Variants in ZFHX3 observed in about 807,000 individuals in gnomAD.
ZFHX3 encodes zinc finger homeobox protein 3.
ZFHX3 carries 42 observed loss-of-function variants against 279.1 expected under a neutral mutation model. The observed-to-expected ratio is 0.15, with a 90% CI of 0.12 to 0.19. The LOEUF is 0.19. ZFHX3 is among the 10% of genes least tolerant of loss of function. ZFHX3 has a pLI of 1.00. For missense variants in ZFHX3, 4,981 were observed against 4,754.0 expected (o/e 1.05, Z -1.40); for synonymous variants, 2,293 against 1,957.8 (o/e 1.17, Z -4.52).
In ZFHX3 at chr16:73,258,393, A is replaced by G. The variant is rs369200678; in HGVS notation, c.-1193-1257T>C. Among the ~76,000 whole-genome samples, 245 of 151,594 alleles carry G rather than the reference A, an allele frequency of 1.6e-3. 5 individuals are homozygous for G. In the South Asian group the frequency reaches 0.027, roughly 17 times the overall value. ...GAGACAGGGTCTCGCTCTGTCTCCCAGGTTGGAGTGCAGTGGTGCAATCTC... is the reference window on the plus strand; with the variant it reads ...GAGACAGGGTCTCGCTCTGTCTCCCGGGTTGGAGTGCAGTGGTGCAATCTC... On this transcript the variant is annotated intron_variant, in intron 4 of 17. Coordinates refer to the ZFHX3 transcript ENST00000641206.
chr16:73,871,153 C>A (rs535352578), intron 1 of ZFHX3, among the ~76,000 whole-genome samples: 1 of 152,134 alleles, frequency 6.6e-6, no homozygotes. Flanking sequence ...CTTAGGGGGT[C>A]AAGGTTGGCA....
chr16:72,797,788 C>T lies in ZFHX3; in HGVS notation c.4894G>A (p.Ala1632Thr), dbSNP rs767109358. The change falls in exon 9 of 10, where the codon GCA becomes ACA. Residue 1632 changes from alanine to threonine, a missense_variant. Coordinates refer to ENST00000268489, the MANE Select transcript of ZFHX3 (RefSeq NM_006885.4). ...TKARAAKLEA[A>T]SGSSNGTGNS... The stretch of plus-strand genomic sequence containing the variant: ...CCAGTCCCATTGCTGCTGCCACTTG[C>T]AGCCTCCAGCTTGGCTGCCCGGGCC... The T allele has an allele frequency of 9.3e-6, 15 of 1,614,018 alleles. No homozygotes were observed. The East Asian group carries it at 3.1e-4, about 34-fold the overall frequency.
intron 5 of ZFHX3, among the ~76,000 whole-genome samples, chr16:73,153,899 T>A (rs1362935967): frequency 6.6e-6 from 1 of 151,972 alleles, no homozygotes; most frequent in African/African-American, 2.4e-5. Flanking sequence ...AATTTAATTA[T>A]TAATAATTAA....
chr16:73,824,150 G>C (rs1363137783), intron 1 of ZFHX3, among the ~76,000 whole-genome samples: 1 of 152,152 alleles, frequency 6.6e-6, no homozygotes, highest in East Asian at 1.9e-4. Context: ...GGACTTACCA[G>C]AGCCTTTAAT....
chr16:73,101,770 G>C (rs535713106), intron 7 of ZFHX3, among the ~76,000 whole-genome samples: 1 of 151,606 alleles, frequency 6.6e-6, no homozygotes, highest in East Asian at 2.0e-4. Flanking sequence ...CTTTATTTTT[G>C]TTAATGACAT....
chr16:73,572,243 C>T (rs1033791638), intron 2 of ZFHX3, among the ~76,000 whole-genome samples: 2 of 150,460 alleles, frequency 1.3e-5, no homozygotes, highest in African/African-American at 4.9e-5. Context: ...ATAAGGTAGG[C>T]ATAGTCAACA....
intron 2 of ZFHX3, among the ~76,000 whole-genome samples, chr16:73,533,210 C>CT (rs2019838675): frequency 6.6e-6 from 1 of 151,896 alleles, no homozygotes. Context: ...CCCATCCTCA[C>CT]TTTTTGCGGA....
At chr16:73,570,202 CA>C (rs535480293) in intron 2 of ZFHX3, among the ~76,000 whole-genome samples, 2 of 152,018 alleles carry the variant, frequency 1.3e-5, no homozygotes, top group Non-Finnish European at 2.9e-5. Flanking sequence ...CTGAGTTACC[CA>C]AAAAAAGTTA....
intron 2 of ZFHX3, among the ~76,000 whole-genome samples, chr16:73,627,236 T>C (rs2052425649): frequency 6.6e-6 from 1 of 152,130 alleles, no homozygotes; most frequent in East Asian, 1.9e-4. Context: ...AAACTGTCTG[T>C]GATTGTTAGA....
At chr16:73,510,581 G>A (rs951862215) in intron 2 of ZFHX3, among the ~76,000 whole-genome samples, 4 of 152,174 alleles carry the variant, frequency 2.6e-5, no homozygotes, top group African/African-American at 4.8e-5. Flanking sequence ...GGAAAATTAC[G>A]TAGGGTCACC....
intron 2 of ZFHX3, among the ~76,000 whole-genome samples, chr16:73,597,594 G>A (rs2052064683): frequency 6.6e-6 from 1 of 152,210 alleles, no homozygotes; most frequent in Non-Finnish European, 1.5e-5. Flanking sequence ...AGAACACACA[G>A]AGAGGAGAGC....
Position 72,794,995 on chromosome 16 carries a change from G to T in ZFHX3, c.7687C>A (p.Pro2563Thr), listed in dbSNP as rs758409222. ...FLSAQNQFIH[P>T]QFLDRSLDMP... ...TCCAGGGACCTGTCCAAAAACTGGGGGTGGATGAACTGGTTCTGCGCGCTC... is the reference window on the plus strand; with the variant it reads ...TCCAGGGACCTGTCCAAAAACTGGGTGTGGATGAACTGGTTCTGCGCGCTC... The change falls in exon 9 of 10, where the codon CCC becomes ACC. Residue 2563 changes from proline (P) to threonine (T), a missense_variant. By Grantham distance (38) the Pro-to-Thr change is conservative. Coordinates refer to ENST00000268489, the MANE Select transcript of ZFHX3 (RefSeq NM_006885.4). This position sits in a 1 kb window ranked among gnomAD's most constrained non-coding sequence, Gnocchi z 4.2. The T allele has an allele frequency of 6.2e-6, 10 of 1,614,194 alleles. No homozygotes were observed. The highest frequency in any genetic ancestry group is 1.6e-4 in the Middle Eastern group (1 of 6,062).
At chr16:73,187,144 T>TCACACAAA (rs139171590) in intron 5 of ZFHX3, among the ~76,000 whole-genome samples, 32 of 147,072 alleles carry the variant, frequency 2.2e-4, no homozygotes, top group African/African-American at 8.2e-4. Context: ...GTTGTATGTC[T>TCACACAAA]CACACACACA....
chr16:73,043,347 G>A (rs1965182318), intron 1 of ZFHX3, among the ~76,000 whole-genome samples: 1 of 152,172 alleles, frequency 6.6e-6, no homozygotes, highest in Admixed American at 6.5e-5. Flanking sequence ...CAGGCATTTT[G>A]CTAAGAGGCC....
Position 72,841,441 on chromosome 16 carries a change from T to C in ZFHX3, c.3449-11582A>G, listed in dbSNP as rs1381164801. ...TAACTTGTCATTTTTAATAGGCACCTTGTACAGCTATTCTGTGTCCAAGGG... is the reference window on the plus strand; with the variant it reads ...TAACTTGTCATTTTTAATAGGCACCCTGTACAGCTATTCTGTGTCCAAGGG... On this transcript the variant is annotated intron_variant, in intron 4 of 9. Coordinates refer to ENST00000268489, the MANE Select transcript of ZFHX3 (RefSeq NM_006885.4). Among the ~76,000 whole-genome samples, 2 of 152,238 alleles carry C rather than the reference T, an allele frequency of 1.3e-5. 1 individual carries two copies. Among genetic ancestry groups the C allele is most frequent in the Non-Finnish European group, 2.9e-5 (2 of 68,036 alleles).
At chr16:73,267,190 G>A (rs1002485083) in intron 4 of ZFHX3, among the ~76,000 whole-genome samples, 1 of 152,190 alleles carries the variant, frequency 6.6e-6, no homozygotes, top group Non-Finnish European at 1.5e-5. Flanking sequence ...AAGGAGAAGG[G>A]GGTTCTGATG....
At chr16:73,350,940 G>C (rs1367711924) in intron 3 of ZFHX3, among the ~76,000 whole-genome samples, 8 of 152,176 alleles carry the variant, frequency 5.3e-5, no homozygotes, top group Non-Finnish European at 1.2e-4. Flanking sequence ...ATGTGGGCCA[G>C]CTCATCGGGA....
At chr16:73,610,047 G>A (rs991679845) in intron 2 of ZFHX3, 7 of 152,132 alleles carry the variant, frequency 4.6e-5, no homozygotes, top group African/African-American at 1.7e-4. Flanking sequence ...AACGGGCAAT[G>A]TCCCTCGTTC....
intron 2 of ZFHX3, among the ~76,000 whole-genome samples, chr16:73,515,124 T>C (rs2019497357): frequency 6.6e-6 from 1 of 152,220 alleles, no homozygotes; most frequent in Non-Finnish European, 1.5e-5. Flanking sequence ...ATGTGCTTCC[T>C]GAAGACCCCT....
Sources: gnomAD v4.1 joint callset for allele counts (sites outside exome capture counted in the v4.1 genomes callset) on GRCh38, gnomAD v4.1.1 for gene constraint, Gnocchi (gnomAD v3.1) non-coding constraint, MANE v1.5 for transcripts, NCBI Gene and HGNC (gene_info 2026-07-23, HGNC 2026-07-21) for gene names.